The following ASIC2 variants were observed in gnomAD, a reference collection of about 807,000 sequenced individuals.
The protein encoded by ASIC2 is acid sensing ion channel subunit 2.
ASIC2 carries 25 observed loss-of-function variants against 57.3 expected under a neutral mutation model. That is an observed-to-expected ratio of 0.44 (90% CI 0.32 to 0.61). ASIC2 has a LOEUF of 0.61. Among genes scored for constraint, ASIC2 ranks in the 20% least tolerant of loss-of-function variants. The pLI is 0.06. For missense variants in ASIC2, 641 were observed against 738.1 expected, an observed-to-expected ratio of 0.87 and a Z score of 1.52; for synonymous variants, 319 against 307.5, an observed-to-expected ratio of 1.04 and a Z score of -0.39.
At chr17:34,119,606 TACACAGACACACAC>T (rs1402785336) in intron 1 of ASIC2, among the ~76,000 whole-genome samples, 3 of 127,436 alleles carry the variant, frequency 2.4e-5, no homozygotes, top group African/African-American at 1.0e-4. Flanking sequence ...TCCCTTTCTC[TACACAGACACACAC>T]ACACACACAC....
chr17:33,077,299 C>G (rs1412266144), intron 3 of ASIC2, among the ~76,000 whole-genome samples: 7 of 152,104 alleles, frequency 4.6e-5, no homozygotes, highest in African/African-American at 1.7e-4. Flanking sequence ...AGAATGATTT[C>G]TTCTTCCACA....
intron 1 of ASIC2, among the ~76,000 whole-genome samples, chr17:33,140,230 C>T (rs2092382194): frequency 6.6e-6 from 1 of 152,230 alleles, no homozygotes; most frequent in Non-Finnish European, 1.5e-5. Flanking sequence ...TGTGTTCCCA[C>T]CTCTCCCTTT....
intron 1 of ASIC2, among the ~76,000 whole-genome samples, chr17:33,365,790 A>G (rs1908787052): frequency 6.6e-6 from 1 of 152,216 alleles, no homozygotes; most frequent in African/African-American, 2.4e-5. Flanking sequence ...TCAGCAGTCA[A>G]CAGATAGCAA....
At chr17:34,117,132 A>C (rs1911449932) in intron 1 of ASIC2, among the ~76,000 whole-genome samples, 1 of 152,072 alleles carries the variant, frequency 6.6e-6, no homozygotes, top group Non-Finnish European at 1.5e-5. Flanking sequence ...TCAATTCATC[A>C]ATCTGTCAGG....
chr17:33,860,286 A>G (rs1352573713), intron 1 of ASIC2, among the ~76,000 whole-genome samples: 1 of 152,202 alleles, frequency 6.6e-6, no homozygotes, highest in East Asian at 1.9e-4. Context: ...CAGGCTGCCT[A>G]GAATTCTTAA....
chr17:34,134,157 GC>G (rs772565172), intron 1 of ASIC2, among the ~76,000 whole-genome samples: 2 of 152,148 alleles, frequency 1.3e-5, no homozygotes, highest in Non-Finnish European at 2.9e-5. Context: ...AGTCTGAAAT[GC>G]CCCAAAAGGA....
At chr17:33,661,299 G>A (rs956099144) in intron 1 of ASIC2, among the ~76,000 whole-genome samples, 5 of 152,198 alleles carry the variant, frequency 3.3e-5, no homozygotes, top group African/African-American at 7.2e-5. Context: ...TCTTATGTGC[G>A]TTATACTCTT....
At chr17:34,131,510 C>G (rs1598041460) in intron 1 of ASIC2, among the ~76,000 whole-genome samples, 1 of 152,164 alleles carries the variant, frequency 6.6e-6, no homozygotes, top group Admixed American at 6.5e-5. Context: ...GCCACAGAGG[C>G]TCCAGGGCTG....
chr17:34,070,948 C>T (rs1909375895), intron 1 of ASIC2: 1 of 152,298 alleles, frequency 6.6e-6, no homozygotes. Context: ...ATTCTTATCT[C>T]CACTGCTCGT....
intron 1 of ASIC2, among the ~76,000 whole-genome samples, chr17:33,554,307 G>C (rs1915838955): frequency 2.6e-5 from 4 of 152,126 alleles, no homozygotes; most frequent in Admixed American, 2.6e-4. Flanking sequence ...TTAAGTGGGG[G>C]AAGGGAGAGA....
chr17:33,579,508 T>A (rs1008286303), intron 1 of ASIC2, among the ~76,000 whole-genome samples: 1 of 152,114 alleles, frequency 6.6e-6, no homozygotes, highest in Non-Finnish European at 1.5e-5. Flanking sequence ...TGCCCAGAAT[T>A]GTCTCCTCCT....
At chr17:33,312,514 G>T (rs1906471965) in intron 1 of ASIC2, among the ~76,000 whole-genome samples, 1 of 152,236 alleles carries the variant, frequency 6.6e-6, no homozygotes, top group Non-Finnish European at 1.5e-5. Flanking sequence ...ATCACTTAAG[G>T]TCCGCAAGAT....
chr17:33,789,432 C>T (rs1911699911), intron 1 of ASIC2, among the ~76,000 whole-genome samples: 1 of 150,306 alleles, frequency 6.7e-6, no homozygotes. Flanking sequence ...AGGAAACAGG[C>T]TTTATTTGTG....
intron 1 of ASIC2, among the ~76,000 whole-genome samples, chr17:33,887,003 G>A (rs1363812511): frequency 1.3e-5 from 2 of 152,116 alleles, no homozygotes; most frequent in African/African-American, 4.8e-5. Context: ...TTGGAATCAG[G>A]GAGCAGGAGA....
chr17:33,430,831 AAAAC>A (rs1423083097), intron 1 of ASIC2, among the ~76,000 whole-genome samples: 2 of 152,334 alleles, frequency 1.3e-5, no homozygotes, highest in South Asian at 2.1e-4. Flanking sequence ...TCTCTACATA[AAAAC>A]AAACAGAGCA....
chr17:33,668,025 C>T (rs1041940829), intron 1 of ASIC2, among the ~76,000 whole-genome samples: 4 of 152,090 alleles, frequency 2.6e-5, no homozygotes, highest in African/African-American at 9.7e-5. Context: ...TATTATAATA[C>T]TAAAAAATCC....
chr17:33,669,803 G>A (rs950700180), intron 1 of ASIC2, among the ~76,000 whole-genome samples: 3 of 152,130 alleles, frequency 2.0e-5, no homozygotes, highest in Non-Finnish European at 4.4e-5. Context: ...TGTTTTGTTT[G>A]TTCATTGTGT....
intron 1 of ASIC2, among the ~76,000 whole-genome samples, chr17:33,158,128 C>G (rs575321273): frequency 6.6e-6 from 1 of 152,348 alleles, no homozygotes; most frequent in East Asian, 1.9e-4. Context: ...CTCCGTAGTG[C>G]TCATCACCAT....
intron 1 of ASIC2, among the ~76,000 whole-genome samples, chr17:33,269,945 C>T (rs974930826): frequency 1.3e-5 from 2 of 152,162 alleles, no homozygotes; most frequent in Non-Finnish European, 2.9e-5. Context: ...GTGCTTGGTC[C>T]CAGCAGGCTC....
Sources: gnomAD v4.1 joint callset for allele counts (sites outside exome capture counted in the v4.1 genomes callset) on GRCh38, gnomAD v4.1.1 for gene constraint, MANE v1.5 for transcripts, NCBI Gene and HGNC (gene_info 2026-07-23, HGNC 2026-07-21) for gene names.